GIT2: variants seen among roughly 807,000 people sequenced by gnomAD.
GIT2 encodes GIT ArfGAP 2, also known as ARF GTPase-activating protein GIT2.
In GIT2, 32 loss-of-function variants were observed where a neutral mutation model predicts 100.3. That is an observed-to-expected ratio of 0.32 (90% CI 0.24 to 0.43). The LOEUF is 0.43. GIT2 is among the 20% of genes least tolerant of loss of function. GIT2 has a pLI of 1.00. For synonymous variants in GIT2, 353 were observed against 364.1 expected (o/e 0.97, Z 0.35); for missense variants, 737 against 975.1 (o/e 0.76, Z 3.25).
chr12:109,976,627 C>T (rs191005836), intron 7 of GIT2, among the ~76,000 whole-genome samples: 1,484 of 143,836 alleles, frequency 0.01, 91 homozygotes, highest in Admixed American at 0.091. Context: ...GTCTCCCTGT[C>T]GCCCAGGCAG....
Position 109,947,371 on chromosome 12 carries a change from C to T in GIT2, c.1526G>A (p.Gly509Asp), listed in dbSNP as rs757609057. Residue 509 changes from glycine to aspartate, a missense_variant, in exon 15 of 20, where the codon GGC becomes GAC. By Grantham distance (94) the Gly-to-Asp change is moderately conservative. This residue lies in a region of GIT2 where 451 missense variants were observed against 543.7 expected (regional missense o/e 0.83). Coordinates refer to ENST00000355312, the MANE Select transcript of GIT2 (RefSeq NM_057169.5). This position sits in a 1 kb window ranked among gnomAD's most constrained non-coding sequence, Gnocchi z 4.3. ...SSLKRRPSAR[G>D]SRPMSMYETG... is the part of the protein sequence containing the mutation. ...CTCGTACATGGACATGGGCCTACTG[C>T]CCCGGGCAGACGGACGTCTCTTTAA... 6.2e-7 allele frequency: 1 copy of T among 1,614,096 alleles called. No individual in the cohort carries two copies. The highest frequency in any genetic ancestry group is 8.5e-7 in the Non-Finnish European group (1 of 1,179,986).
intron 7 of GIT2, among the ~76,000 whole-genome samples, chr12:109,975,951 T>C (rs1245600619): frequency 1.3e-5 from 2 of 151,890 alleles, no homozygotes; most frequent in Non-Finnish European, 2.9e-5. Context: ...TTTGTATTTT[T>C]AGAAGAGACA....
At chr12:109,935,343 T>G (rs1872684600) in intron 18 of GIT2, among the ~76,000 whole-genome samples, 1 of 152,202 alleles carries the variant, frequency 6.6e-6, no homozygotes, top group African/African-American at 2.4e-5. Flanking sequence ...TCATGCATAC[T>G]AATAAACTGT....
At chr12:109,989,301 G>T (rs1264335752) in intron 3 of GIT2, among the ~76,000 whole-genome samples, 1 of 152,198 alleles carries the variant, frequency 6.6e-6, no homozygotes. Context: ...TCTTCTCTGT[G>T]TAATTGTCTG....
rs959094432 is a variant in GIT2, at chr12:109,996,318, G to C, written c.-94C>G. ...TTCCGCTCTAACGGGTCCCAGCTGC[G>C]GCGGCGCTGACGGCGGCGCCTCTCC... On this transcript the variant is annotated 5_prime_UTR_variant, in exon 1 of 20. Transcript: ENST00000355312. 78 of 865,144 alleles carry C rather than the reference G, an allele frequency of 9.0e-5. No individual in the cohort carries two copies. The highest frequency in any genetic ancestry group is 2.1e-5 in the Non-Finnish European group (12 of 573,322). 53.6% of individuals were successfully genotyped at this position (865,144 alleles called of 1,614,324 possible). A position where few individuals can be genotyped will look rare whatever the true frequency, so the allele number is the denominator to read the frequency against.
At position 109,996,182 on chromosome 12, in the gene GIT2, T is replaced by C; in HGVS notation, c.43A>G (p.Ser15Gly). The C allele has an allele frequency of 6.6e-7, 1 of 1,525,142 alleles. No homozygotes were observed. 94.5% of individuals were successfully genotyped at this position (1,525,142 alleles called of 1,614,324 possible). ...GGCCGGTGCGACTCACCCGGCCCGC[T>C]GCAGTCAGCGCACACCTCGCTGCTC... Reference protein sequence around the residue: ...LRSSEVCADCSGPDPSWASVN... With the variant: ...LRSSEVCADCGGPDPSWASVN... Residue 15 changes from serine to glycine, a missense_variant, in exon 1 of 20, where the codon AGC becomes GGC. This residue lies in a region of GIT2 where 266 missense variants were observed against 376.2 expected (regional missense o/e 0.71). Transcript: ENST00000355312.
At chr12:109,974,202 C>T (rs751847289) in intron 7 of GIT2, among the ~76,000 whole-genome samples, 38 of 152,054 alleles carry the variant, frequency 2.5e-4, no homozygotes, top group Admixed American at 5.9e-4. Flanking sequence ...TCCCTTAAGA[C>T]TTCCTCTTAG....
intron 7 of GIT2, among the ~76,000 whole-genome samples, chr12:109,974,923 T>C (rs975789413): frequency 2.6e-5 from 4 of 152,234 alleles, no homozygotes; most frequent in Non-Finnish European, 5.9e-5. Context: ...CAAAGTTTGC[T>C]TCATGTATTT....
chr12:109,948,517 A>AT lies in GIT2; in HGVS notation c.1393-1014dup. 8.0e-7 allele frequency: 1 copy of AT among 1,250,206 alleles called. No homozygotes were observed. The highest frequency in any genetic ancestry group is 1.0e-6 in the Non-Finnish European group (1 of 996,250). 77.4% of individuals were successfully genotyped at this position (1,250,206 alleles called of 1,614,324 possible). A position where few individuals can be genotyped will look rare whatever the true frequency, so the allele number is the denominator to read the frequency against. ...ATCGTGTTACTCTTTGGCATCTGGC[A>AT]TTTTAAACACCATTCACCACGTCCA... On this transcript the variant is annotated intron_variant, in intron 14 of 19. Coordinates refer to ENST00000355312, the MANE Select transcript of GIT2 (RefSeq NM_057169.5). This position sits in a 1 kb window ranked among gnomAD's most constrained non-coding sequence, Gnocchi z 4.3.
chr12:109,972,180 A>G (rs1345279273), intron 7 of GIT2, among the ~76,000 whole-genome samples: 1 of 151,904 alleles, frequency 6.6e-6, no homozygotes, highest in Non-Finnish European at 1.5e-5. Context: ...TATGCCTTTT[A>G]TTTATTTTTC....
intron 7 of GIT2, among the ~76,000 whole-genome samples, chr12:109,971,732 C>G (rs958986151): frequency 1.1e-4 from 17 of 152,034 alleles, no homozygotes; most frequent in Admixed American, 6.5e-5. Flanking sequence ...GTGGCTCACA[C>G]CTGTAATCCC....
rs1252565930 is a variant in GIT2, at chr12:109,953,226, C to T, written c.1108G>A (p.Glu370Lys). ...SSLSGSKDNV[E>K]LILKTINNQH... ...TTATTGATGGTTTTCAGTATGAGCTCCACATTGTCTATCAATAAAAGCAAA... is the reference window on the plus strand; with the variant it reads ...TTATTGATGGTTTTCAGTATGAGCTTCACATTGTCTATCAATAAAAGCAAA... Residue 370 changes from glutamate to lysine, a missense_variant, in exon 13 of 20, where the codon GAG becomes AAG. Glu to Lys is a moderately conservative substitution (Grantham distance 56, BLOSUM62 1). Around this residue, in one of 3 missense-constraint regions of GIT2, gnomAD observed 451 missense variants for 543.7 expected, o/e 0.83. Transcript: ENST00000355312. 2 of 1,613,668 alleles carry T rather than the reference C, an allele frequency of 1.2e-6. No homozygotes were observed. The highest frequency in any genetic ancestry group is 1.7e-6 in the Non-Finnish European group (2 of 1,179,686).
At chr12:109,976,593 CTTTTTT>C (rs938104261) in intron 7 of GIT2, among the ~76,000 whole-genome samples, 1 of 104,416 alleles carries the variant, frequency 9.6e-6, no homozygotes, top group Non-Finnish European at 2.0e-5. Flanking sequence ...GTTTTCTTTT[CTTTTTT>C]TTTTTTTTTG....
chr12:109,986,531 G>A (rs371695583), intron 4 of GIT2, among the ~76,000 whole-genome samples: 33 of 152,290 alleles, frequency 2.2e-4, no homozygotes, highest in African/African-American at 7.7e-4. Flanking sequence ...TTGGGAGGCC[G>A]AGGTGGGCGG....
At chr12:109,958,233 C>T (rs1165156120) in intron 12 of GIT2, among the ~76,000 whole-genome samples, 1 of 151,440 alleles carries the variant, frequency 6.6e-6, no homozygotes, top group African/African-American at 2.4e-5. Context: ...TGTGAGCCAC[C>T]GTGCCTGGCC....
At chr12:109,971,630 G>C (rs908413896) in intron 7 of GIT2, among the ~76,000 whole-genome samples, 3 of 151,670 alleles carry the variant, frequency 2.0e-5, no homozygotes, top group African/African-American at 7.3e-5. Context: ...AGCCAATTTG[G>C]AGCTTTTATT....
At chr12:109,953,065 C>T (rs1161929510) in intron 13 of GIT2, 27 bp downstream of exon 13, 3 of 1,612,898 alleles carry the variant, frequency 1.9e-6, no homozygotes, top group Admixed American at 1.7e-5. Flanking sequence ...GCGTGCTTGC[C>T]CTTCCATGGG....
rs746711028 is a variant in GIT2 at position 109,959,965 on chromosome 12, G to A, written c.988-7C>T. On this transcript the variant is annotated splice_polypyrimidine_tract_variant and splice_region_variant and intron_variant, in intron 11 of 19. Transcript: ENST00000355312. The stretch of plus-strand genomic sequence containing the variant: ...GAGCTAACTTCTGTCTGCCCTAAAG[G>A]TGGGAAAATAATTGGAAATATTTCC... The A allele has an allele frequency of 2.2e-5, 35 of 1,583,934 alleles. No individual in the cohort carries two copies. The South Asian group carries it at 2.7e-4, about 12-fold the overall frequency.
intron 16 of GIT2, 48 bp from the exon 17 acceptor site, chr12:109,939,295 T>TCTGA: frequency 9.8e-7 from 1 of 1,023,758 alleles, no homozygotes; most frequent in Non-Finnish European, 1.6e-6. Flanking sequence ...ATGAGACTCT[T>TCTGA]CTCAGGAGTC....
Sources: allele counts gnomAD v4.1 joint callset (sites outside exome capture counted in the v4.1 genomes callset), GRCh38; gene constraint gnomAD v4.1.1; regional missense constraint gnomAD v4.1.1; non-coding constraint Gnocchi (gnomAD v3.1); transcripts MANE v1.5; gene names NCBI Gene and HGNC (gene_info 2026-07-23, HGNC 2026-07-21).